COL4A2: variants seen among roughly 807,000 people sequenced by gnomAD.
The protein encoded by COL4A2 is collagen alpha-2(IV) chain.
A neutral mutation model predicts 200.2 loss-of-function variants in COL4A2; 99 were observed. That is an observed-to-expected ratio of 0.49 (90% CI 0.42 to 0.58). The LOEUF is 0.58. Ranked by LOEUF, COL4A2 falls within the 20% of genes least tolerant of loss-of-function variation. COL4A2 has a pLI of 0.00. For missense variants in COL4A2, 1,950 were observed against 2,314.1 expected (o/e 0.84, Z 3.23); for synonymous variants, 897 against 900.6 (o/e 1.00, Z 0.07).
intron 3 of COL4A2, among the ~76,000 whole-genome samples, chr13:110,356,922 C>A (rs1159632385): frequency 6.6e-6 from 1 of 152,082 alleles, no homozygotes; most frequent in Non-Finnish European, 1.5e-5. Context: ...CCTGCCACCA[C>A]GCCTGGCTAA....
At chr13:110,338,459 C>T (rs1352925046) in intron 3 of COL4A2, among the ~76,000 whole-genome samples, 2 of 152,084 alleles carry the variant, frequency 1.3e-5, no homozygotes, top group South Asian at 2.1e-4. Context: ...GTAAAATGCT[C>T]CCCCTGAAGA....
At chr13:110,375,186 A>G (rs1238840824) in intron 4 of COL4A2, among the ~76,000 whole-genome samples, 1 of 152,126 alleles carries the variant, frequency 6.6e-6, no homozygotes, top group Non-Finnish European at 1.5e-5. Context: ...TTGGCATCAC[A>G]TTCCAGCCCT....
At chr13:110,507,164 G>T (rs910163787) in intron 46 of COL4A2, among the ~76,000 whole-genome samples, 2 of 152,240 alleles carry the variant, frequency 1.3e-5, no homozygotes, top group Non-Finnish European at 2.9e-5. Context: ...GTGACGGGAA[G>T]GGTCTCTGGG....
intron 45 of COL4A2, among the ~76,000 whole-genome samples, chr13:110,506,094 G>C (rs1424849991): frequency 6.6e-6 from 1 of 152,160 alleles, no homozygotes; most frequent in Non-Finnish European, 1.5e-5. Flanking sequence ...TGCACTCCTG[G>C]GTCCCGAGGT....
At chr13:110,369,319 C>G (rs1026375388) in intron 4 of COL4A2, among the ~76,000 whole-genome samples, 1 of 152,124 alleles carries the variant, frequency 6.6e-6, no homozygotes, top group East Asian at 1.9e-4. Flanking sequence ...AAATCAGAAC[C>G]CTTTTGAGCA....
intron 30 of COL4A2, among the ~76,000 whole-genome samples, chr13:110,478,490 G>C (rs1882777679): frequency 6.6e-6 from 1 of 152,238 alleles, no homozygotes; most frequent in Admixed American, 6.5e-5. Context: ...AAAGTGCAGG[G>C]TGTGGGTTGG....
At chr13:110,479,517 G>C (rs1332578398) in intron 30 of COL4A2, among the ~76,000 whole-genome samples, 3 of 152,286 alleles carry the variant, frequency 2.0e-5, no homozygotes, top group Non-Finnish European at 4.4e-5. Flanking sequence ...CTGGGGAAGA[G>C]AGCCTGATTT....
chr13:110,403,818 C>A (rs1285192236), intron 4 of COL4A2, among the ~76,000 whole-genome samples: 1 of 152,172 alleles, frequency 6.6e-6, no homozygotes, highest in Non-Finnish European at 1.5e-5. Flanking sequence ...GTAGTCCATG[C>A]TATAACAAAA....
At chr13:110,432,906 T>C (rs749490335) in intron 11 of COL4A2, among the ~76,000 whole-genome samples, 2 of 152,222 alleles carry the variant, frequency 1.3e-5, no homozygotes, top group African/African-American at 2.4e-5. Flanking sequence ...AAGTAGGTGG[T>C]TTGTTAGAAA....
At chr13:110,466,166 G>A in intron 26 of COL4A2, 104 bp downstream of exon 26, 1 of 1,352,314 alleles carries the variant, frequency 7.4e-7, no homozygotes, top group African/African-American at 1.4e-5. Context: ...TTAATAATAT[G>A]TGCAAGCCAC....
In COL4A2 at chr13:110,357,468, G is replaced by A; in HGVS notation, c.100-4G>A. 6.3e-7 allele frequency: 1 copy of A among 1,584,834 alleles called. No homozygotes were observed. Among genetic ancestry groups the A allele is most frequent in the Non-Finnish European group, 8.6e-7 (1 of 1,162,916 alleles). ...TTTCTTTGCCTTGTGTTTTATTGTT[G>A]CAGGGTGTGAAGAAGTTTGATGTGC... On this transcript the variant is annotated splice_region_variant and splice_polypyrimidine_tract_variant and intron_variant, in intron 3 of 47. Coordinates refer to ENST00000360467, the MANE Select transcript of COL4A2 (RefSeq NM_001846.4).
chr13:110,449,494 C>G (rs1881451695), intron 18 of COL4A2, among the ~76,000 whole-genome samples, 185 bp from the exon 19 acceptor site: 1 of 152,178 alleles, frequency 6.6e-6, no homozygotes, highest in African/African-American at 2.4e-5. Context: ...AATCCTGTTC[C>G]CCTGCTGGAG....
At chr13:110,376,627 C>T (rs1312686271) in intron 4 of COL4A2, among the ~76,000 whole-genome samples, 5 of 152,150 alleles carry the variant, frequency 3.3e-5, no homozygotes, top group East Asian at 3.8e-4. Context: ...ATGCCTCTCA[C>T]GCTGTAATGT....
intron 27 of COL4A2, among the ~76,000 whole-genome samples, chr13:110,469,012 A>G (rs369337603): frequency 7.0e-4 from 106 of 152,314 alleles, no homozygotes; most frequent in African/African-American, 2.5e-3. Flanking sequence ...GGATATTATC[A>G]TTCTTATGGT....
intron 4 of COL4A2, among the ~76,000 whole-genome samples, chr13:110,373,673 A>G (rs1040799039): frequency 1.6e-4 from 25 of 152,208 alleles, no homozygotes; most frequent in Non-Finnish European, 2.9e-4. Context: ...AGAGATAAAT[A>G]CCCAAGCCGC....
chr13:110,322,252 G>A (rs549940382), intron 3 of COL4A2, among the ~76,000 whole-genome samples: 5 of 152,324 alleles, frequency 3.3e-5, no homozygotes, highest in Admixed American at 6.5e-5. Context: ...CGGCCTGCCC[G>A]TGCCTCTGTT....
chr13:110,440,939 C>T (rs1422040114), intron 16 of COL4A2, among the ~76,000 whole-genome samples: 1 of 152,230 alleles, frequency 6.6e-6, no homozygotes, highest in African/African-American at 2.4e-5. Flanking sequence ...AGAGAATGTT[C>T]CAAGTCGGCA....
At chr13:110,313,593 G>A (rs59593944) in intron 3 of COL4A2, among the ~76,000 whole-genome samples, 2 of 3,724 alleles carry the variant, frequency 5.4e-4, no homozygotes, top group African/African-American at 1.6e-3. Flanking sequence ...CACCCGGCAG[G>A]CTCCCACCCC....
At chr13:110,382,940 T>G (rs1275486618) in intron 4 of COL4A2, among the ~76,000 whole-genome samples, 1 of 152,260 alleles carries the variant, frequency 6.6e-6, no homozygotes, top group Non-Finnish European at 1.5e-5. Context: ...AGAAAGAGTG[T>G]TCAGAATGGA....
Sources: gnomAD v4.1 joint callset for allele counts (sites outside exome capture counted in the v4.1 genomes callset) on GRCh38, gnomAD v4.1.1 for gene constraint, MANE v1.5 for transcripts, NCBI Gene and HGNC (gene_info 2026-07-23, HGNC 2026-07-21) for gene names.